Variants in MYO9A observed in about 807,000 individuals in gnomAD.
The protein encoded by MYO9A is myosin IXA, also known as unconventional myosin-IXa.
Under a neutral mutation model 293.3 loss-of-function variants are expected in MYO9A, and 103 were observed. That is an observed-to-expected ratio of 0.35 (90% confidence interval 0.30 to 0.41). The LOEUF (loss-of-function observed/expected upper bound fraction) is 0.41. Among genes scored for constraint, MYO9A ranks in the 10% least tolerant of loss-of-function variants. The pLI, the probability that MYO9A is intolerant of heterozygous loss-of-function variation, is 1.00. For missense variants in MYO9A, 2,685 were observed against 3,033.0 expected (o/e 0.89, Z 2.69); for synonymous variants, 1,001 against 1,035.7 (o/e 0.97, Z 0.64).
intron 36 of MYO9A, 48 bp from the exon 37 acceptor site, chr15:71,851,406 C>G (rs1427205759): frequency 7.0e-7 from 1 of 1,435,176 alleles, no homozygotes; most frequent in Middle Eastern, 1.8e-4. Context: ...CCCCCTTATA[C>G]AGTGTATCTT....
At chr15:72,021,086 G>T in intron 4 of MYO9A, 69 bp from the exon 5 acceptor site, 1 of 958,584 alleles carries the variant, frequency 1.0e-6, no homozygotes, top group Non-Finnish European at 1.5e-6. Context: ...AGGGGGAGGG[G>T]GGAAGCAAAC....
chr15:71,964,955 CA>C (rs909722365), intron 13 of MYO9A, among the ~76,000 whole-genome samples: 268 of 137,906 alleles, frequency 1.9e-3, no homozygotes, highest in Middle Eastern at 3.6e-3. Context: ...ACTCTTGTCT[CA>C]AAAAAAAAAA....
intron 19 of MYO9A, 48 bp from the exon 20 acceptor site, chr15:71,905,054 T>C: frequency 6.9e-7 from 1 of 1,455,898 alleles, no homozygotes; most frequent in Non-Finnish European, 9.4e-7. Flanking sequence ...TTCCAAACTA[T>C]TAACAAATAA....
At chr15:72,099,171 G>A (rs997289697) in intron 1 of MYO9A, among the ~76,000 whole-genome samples, 1 of 151,996 alleles carries the variant, frequency 6.6e-6, no homozygotes, top group Non-Finnish European at 1.5e-5. Context: ...CAGGGGCAGG[G>A]CCTCACACCT....
intron 10 of MYO9A, 120 bp downstream of exon 10, chr15:71,994,349 A>C: frequency 3.5e-6 from 2 of 568,726 alleles, no homozygotes; most frequent in Non-Finnish European, 5.9e-6. Context: ...ATAAATAACA[A>C]ATAAAAGCGA....
chr15:71,879,030 C>T (rs576453159), intron 30 of MYO9A, among the ~76,000 whole-genome samples: 2 of 152,246 alleles, frequency 1.3e-5, no homozygotes, highest in South Asian at 4.1e-4. Flanking sequence ...GCTGGGATTA[C>T]AGGCTTGAGC....
At position 72,060,959 on chromosome 15, in the gene MYO9A, C is replaced by T. The variant is rs570474650; in HGVS notation, c.-71-14325G>A. Among the ~76,000 whole-genome samples the T allele has an allele frequency of 7.9e-5, 12 of 152,242 alleles. No individual in the cohort carries two copies. The South Asian group carries it at 2.1e-3, about 26-fold the overall frequency. ...TCTGCTTAAGGAGAGGAAAGAGTCA[C>T]GTTGTCTTACAACTTGGATATCAGC... On this transcript the variant is annotated intron_variant, in intron 1 of 41. Transcript: ENST00000356056.
intron 39 of MYO9A, among the ~76,000 whole-genome samples, chr15:71,844,239 A>C (rs2055288875): frequency 2.0e-5 from 3 of 152,210 alleles, no homozygotes. Context: ...TATTTGGCAC[A>C]CAGTACTGTC....
intron 25 of MYO9A, 137 bp downstream of exon 25, chr15:71,897,324 T>C (rs536607652): frequency 1.1e-6 from 1 of 922,148 alleles, no homozygotes; most frequent in Admixed American, 2.3e-5. Flanking sequence ...GAGTCAACAA[T>C]TAGGGAATAT....
intron 10 of MYO9A, 25 bp from the exon 11 acceptor site, chr15:71,991,262 T>A (rs1182151775): frequency 1.3e-6 from 2 of 1,534,890 alleles, no homozygotes; most frequent in African/African-American, 2.8e-5. Context: ...AAAGTTTTGA[T>A]TAAAAGTAAT....
chr15:71,900,789 T>C (rs77852679), intron 23 of MYO9A, among the ~76,000 whole-genome samples: 1 of 152,062 alleles, frequency 6.6e-6, no homozygotes, highest in Non-Finnish European at 1.5e-5. Flanking sequence ...AGGGAGTTAA[T>C]AAAACAAATA....
intron 12 of MYO9A, among the ~76,000 whole-genome samples, chr15:71,977,263 GCT>G (rs1555496500): frequency 6.6e-6 from 1 of 152,034 alleles, no homozygotes; most frequent in Non-Finnish European, 1.5e-5. Context: ...ACAAAGTCTT[GCT>G]CTGTCGCCCA....
intron 34 of MYO9A, among the ~76,000 whole-genome samples, chr15:71,856,366 T>C (rs1196320325): frequency 6.6e-6 from 1 of 151,740 alleles, no homozygotes; most frequent in Non-Finnish European, 1.5e-5. Context: ...ATAAGTAAAA[T>C]TATAAATAGA....
Position 72,054,295 on chromosome 15 carries a change from GA to G in MYO9A, c.-71-7662del, listed in dbSNP as rs1344400357. On this transcript the variant is annotated intron_variant, in intron 1 of 41. Coordinates refer to ENST00000356056, the MANE Select transcript of MYO9A (RefSeq NM_006901.4). ...TATTCTTGAAAAGAAGTACAAAACA[GA>G]AAAAGATTACAAGAAGTTAAGGAGG... 4.0e-5 allele frequency among the ~76,000 whole-genome samples: 6 copies of G among 151,774 alleles called. No homozygotes were observed. The East Asian group carries it at 8.1e-4, about 20-fold the overall frequency.
chr15:72,103,865 G>T (rs549609954), intron 1 of MYO9A, among the ~76,000 whole-genome samples: 1 of 152,182 alleles, frequency 6.6e-6, no homozygotes, highest in African/African-American at 2.4e-5. Context: ...CTCCACTGAG[G>T]GGGGATATGT....
intron 1 of MYO9A, among the ~76,000 whole-genome samples, chr15:72,114,947 C>T (rs2080916385): frequency 6.6e-6 from 1 of 152,132 alleles, no homozygotes. Context: ...AACAAACTTC[C>T]ACATAGTATA....
At chr15:72,064,081 T>C (rs1313164137) in intron 1 of MYO9A, among the ~76,000 whole-genome samples, 3 of 152,206 alleles carry the variant, frequency 2.0e-5, no homozygotes, top group Non-Finnish European at 4.4e-5. Flanking sequence ...CTTTGCATTA[T>C]CTCATTCATT....
At chr15:71,909,807 C>G (rs1905337) in intron 19 of MYO9A, among the ~76,000 whole-genome samples, 141,015 of 152,024 alleles carry the variant, frequency 0.93, 65,735 homozygotes, top group Non-Finnish European at 0.97. Flanking sequence ...AAACTTTTAA[C>G]TGTTCGTTTT....
At chr15:72,098,663 A>T (rs897795950) in intron 1 of MYO9A, among the ~76,000 whole-genome samples, 1 of 152,160 alleles carries the variant, frequency 6.6e-6, no homozygotes, top group Non-Finnish European at 1.5e-5. Flanking sequence ...ACCTGAAGAA[A>T]GTAGGAAGGA....
Sources: allele counts gnomAD v4.1 joint callset (sites outside exome capture counted in the v4.1 genomes callset), GRCh38; gene constraint gnomAD v4.1.1; transcripts MANE v1.5; gene names NCBI Gene and HGNC (gene_info 2026-07-23, HGNC 2026-07-21).